The following SLC4A10 variants were observed in gnomAD, a reference collection of about 807,000 sequenced individuals.
The protein encoded by SLC4A10 is sodium-driven chloride bicarbonate exchanger.
In SLC4A10, 42 loss-of-function variants were observed where a neutral mutation model predicts 137.7. The ratio of observed to expected loss-of-function variants is 0.30; its 90% CI spans 0.24 to 0.39. The LOEUF is 0.39. Ranked by LOEUF, SLC4A10 falls within the 10% of genes least tolerant of loss-of-function variation. The pLI is 1.00. For missense variants in SLC4A10, 925 were observed against 1,355.0 expected (o/e 0.68, Z 4.98); for synonymous variants, 474 against 464.1 (o/e 1.02, Z -0.27).
At chr2:161,826,598 G>C (rs1414491733) in intron 3 of SLC4A10, among the ~76,000 whole-genome samples, 1 of 152,302 alleles carries the variant, frequency 6.6e-6, no homozygotes, top group South Asian at 2.1e-4. Flanking sequence ...TGGTTAATTA[G>C]TATGTGAGTT....
At chr2:161,865,447 A>C (rs1255827097) in intron 6 of SLC4A10, among the ~76,000 whole-genome samples, 1 of 152,096 alleles carries the variant, frequency 6.6e-6, no homozygotes, top group Non-Finnish European at 1.5e-5. Flanking sequence ...TTATCTGAAC[A>C]CATACAAATC....
At chr2:161,879,411 C>G (rs2061625375) in intron 9 of SLC4A10, 123 bp downstream of exon 9, 12 of 1,020,282 alleles carry the variant, frequency 1.2e-5, no homozygotes, top group Non-Finnish European at 1.7e-5. Context: ...ATCCACAAAA[C>G]TACTATTAAT....
intron 13 of SLC4A10, 147 bp from the exon 14 acceptor site, chr2:161,904,629 T>C: frequency 1.1e-6 from 1 of 872,280 alleles, no homozygotes; most frequent in Non-Finnish European, 1.7e-6. Context: ...CCTTTAGTCA[T>C]CCTTCTACCC....
chr2:161,742,039 T>G (rs969962288), intron 1 of SLC4A10, among the ~76,000 whole-genome samples: 1 of 152,204 alleles, frequency 6.6e-6, no homozygotes, highest in South Asian at 2.1e-4. Flanking sequence ...TTCAATGATT[T>G]TAATTTTTAG....
intron 1 of SLC4A10, chr2:161,708,606 G>A (rs2043942371): frequency 7.4e-7 from 1 of 1,347,630 alleles, no homozygotes; most frequent in Non-Finnish European, 9.8e-7. Flanking sequence ...CAGGGGAGAT[G>A]ATAAATAGTA....
intron 2 of SLC4A10, among the ~76,000 whole-genome samples, chr2:161,778,305 AT>A (rs2052617320): frequency 6.6e-6 from 1 of 151,922 alleles, no homozygotes; most frequent in African/African-American, 2.4e-5. Flanking sequence ...CCAGATAATA[AT>A]AATAATTATC....
chr2:161,972,747 T>A (rs374201778), intron 23 of SLC4A10, among the ~76,000 whole-genome samples: 1 of 152,134 alleles, frequency 6.6e-6, no homozygotes, highest in South Asian at 2.1e-4. Context: ...GTCTCTGGCA[T>A]CTCCATTATC....
chr2:161,763,848 C>T (rs1158404545), intron 1 of SLC4A10, among the ~76,000 whole-genome samples: 2 of 152,072 alleles, frequency 1.3e-5, no homozygotes, highest in Admixed American at 1.3e-4. Flanking sequence ...GTACATCATA[C>T]TGTCGTAATA....
intron 15 of SLC4A10, among the ~76,000 whole-genome samples, chr2:161,928,128 T>A (rs1689548575): frequency 2.0e-5 from 3 of 150,496 alleles, no homozygotes; most frequent in Admixed American, 2.0e-4. Context: ...AACCCAAATG[T>A]CCAACAGTGA....
chr2:161,708,781 G>A (rs1052114817), intron 1 of SLC4A10: 2 of 1,532,614 alleles, frequency 1.3e-6, no homozygotes, highest in Admixed American at 2.0e-5. Context: ...GAAATAGAAA[G>A]GTCATGCAGT....
At chr2:161,717,210 G>T (rs1302618399) in intron 1 of SLC4A10, among the ~76,000 whole-genome samples, 1 of 152,062 alleles carries the variant, frequency 6.6e-6, no homozygotes, top group Non-Finnish European at 1.5e-5. Flanking sequence ...GAGATGATGG[G>T]GTTTTCTAGG....
At chr2:161,818,913 A>T (rs979083647) in intron 3 of SLC4A10, among the ~76,000 whole-genome samples, 2 of 152,164 alleles carry the variant, frequency 1.3e-5, no homozygotes, top group Non-Finnish European at 2.9e-5. Context: ...ATCAATATTC[A>T]TCAAGGATAT....
At chr2:161,735,689 C>T (rs1201322877) in intron 1 of SLC4A10, among the ~76,000 whole-genome samples, 1 of 152,074 alleles carries the variant, frequency 6.6e-6, no homozygotes, top group Admixed American at 6.6e-5. Context: ...TCCAACCCTT[C>T]GTAGAATGGC....
intron 19 of SLC4A10, among the ~76,000 whole-genome samples, chr2:161,953,980 G>C: frequency 6.6e-6 from 1 of 152,120 alleles, no homozygotes; most frequent in East Asian, 1.9e-4. Flanking sequence ...TGTGAAAAGA[G>C]AGATAAAATC....
chr2:161,633,415 C>T (rs2033908818), intron 1 of SLC4A10, among the ~76,000 whole-genome samples: 1 of 151,608 alleles, frequency 6.6e-6, no homozygotes, highest in Admixed American at 6.6e-5. Context: ...CACTAGCAGA[C>T]ATTAATTGTT....
intron 6 of SLC4A10, among the ~76,000 whole-genome samples, chr2:161,872,008 C>G (rs1375097577): frequency 2.6e-5 from 4 of 152,022 alleles, no homozygotes; most frequent in African/African-American, 9.7e-5. Context: ...CTTCAAAATC[C>G]TGGTAACATT....
At chr2:161,853,318 A>G (rs2059929382) in intron 4 of SLC4A10, among the ~76,000 whole-genome samples, 1 of 152,184 alleles carries the variant, frequency 6.6e-6, no homozygotes, top group Non-Finnish European at 1.5e-5. Flanking sequence ...ATAGTGACTT[A>G]GAAACCTCAG....
intron 15 of SLC4A10, among the ~76,000 whole-genome samples, chr2:161,918,521 A>T (rs1039280585): frequency 3.9e-5 from 6 of 152,180 alleles, no homozygotes; most frequent in Non-Finnish European, 8.8e-5. Context: ...ACATAATTAA[A>T]ATAATATTAT....
At chr2:161,922,312 A>G (rs1688288130) in intron 15 of SLC4A10, among the ~76,000 whole-genome samples, 1 of 152,110 alleles carries the variant, frequency 6.6e-6, no homozygotes, top group African/African-American at 2.4e-5. Flanking sequence ...TTGAAAAGCT[A>G]TTTTCCTCAT....
Sources: allele counts gnomAD v4.1 joint callset (sites outside exome capture counted in the v4.1 genomes callset), GRCh38; gene constraint gnomAD v4.1.1; transcripts MANE v1.5; gene names NCBI Gene and HGNC (gene_info 2026-07-23, HGNC 2026-07-21).